Variants in HECW2 observed in about 807,000 individuals in gnomAD.
HECW2 encodes the protein HECT, C2 and WW domain containing E3 ubiquitin protein ligase 2.
Under a neutral mutation model 175.2 loss-of-function variants are expected in HECW2, and 61 were observed. The ratio of observed to expected loss-of-function variants is 0.35; its 90% confidence interval spans 0.28 to 0.43. HECW2 has a LOEUF of 0.43. HECW2 is among the 20% of genes least tolerant of loss of function. HECW2 has a pLI of 1.00. For missense variants in HECW2, 1,524 were observed against 2,000.5 expected (o/e 0.76, Z 4.54); for synonymous variants, 671 against 731.0 (o/e 0.92, Z 1.32).
intron 3 of HECW2, among the ~76,000 whole-genome samples, chr2:196,335,425 G>C (rs1692516490): frequency 6.6e-6 from 1 of 152,202 alleles, no homozygotes; most frequent in Non-Finnish European, 1.5e-5. Context: ...AAATATGCAA[G>C]GATGCTGATG....
intron 2 of HECW2, among the ~76,000 whole-genome samples, chr2:196,383,363 T>C (rs1337548298): frequency 2.0e-5 from 3 of 152,000 alleles, no homozygotes; most frequent in East Asian, 3.9e-4. Flanking sequence ...AGAATGAAGA[T>C]TGGGGATGTA....
At chr2:196,262,096 G>A (rs1689318368) in intron 17 of HECW2, among the ~76,000 whole-genome samples, 1 of 152,202 alleles carries the variant, frequency 6.6e-6, no homozygotes, top group African/African-American at 2.4e-5. Flanking sequence ...TACAATCATA[G>A]CTCACTATAG....
intron 1 of HECW2, among the ~76,000 whole-genome samples, chr2:196,576,854 A>G (rs1302588950): frequency 6.6e-6 from 1 of 152,192 alleles, no homozygotes; most frequent in African/African-American, 2.4e-5. Context: ...TACCTCAATA[A>G]AGCTGGAAAA....
At chr2:196,580,212 A>C (rs1015837694) in intron 1 of HECW2, among the ~76,000 whole-genome samples, 1 of 151,326 alleles carries the variant, frequency 6.6e-6, no homozygotes, top group African/African-American at 2.5e-5. Flanking sequence ...AAAGGGAGAA[A>C]TGGACAACAA....
intron 19 of HECW2, among the ~76,000 whole-genome samples, chr2:196,248,904 G>A (rs889448379): frequency 2.5e-4 from 38 of 152,068 alleles, no homozygotes; most frequent in Non-Finnish European, 5.1e-4. Context: ...TTCTGTTGAA[G>A]GTGACTTTCT....
At chr2:196,507,233 A>AC in intron 1 of HECW2, among the ~76,000 whole-genome samples, 1 of 152,282 alleles carries the variant, frequency 6.6e-6, no homozygotes, top group African/African-American at 2.4e-5. Context: ...TTACACACAT[A>AC]TAAATAGAAA....
intron 1 of HECW2, among the ~76,000 whole-genome samples, chr2:196,544,848 A>C (rs1483192445): frequency 1.3e-5 from 2 of 152,208 alleles, no homozygotes; most frequent in Non-Finnish European, 2.9e-5. Context: ...AGGGAACAGC[A>C]AAGGAAAAAG....
At position 196,199,761 on chromosome 2, in the gene HECW2, C is replaced by A. The variant is rs1686797514; in HGVS notation, c.*1516G>T. 2.0e-5 allele frequency: 3 copies of A among 152,140 alleles called. No homozygotes were observed. Among genetic ancestry groups the A allele is most frequent in the Non-Finnish European group, 1.5e-5 (1 of 67,952 alleles). 9.4% of individuals were successfully genotyped at this position (152,140 alleles called of 1,614,324 possible). A position where few individuals can be genotyped will look rare whatever the true frequency, so the allele number is the denominator to read the frequency against. On this transcript the variant is annotated 3_prime_UTR_variant, in exon 29 of 29. Transcript: ENST00000644978. Reference sequence around the variant, plus strand: ...CAAAGATGTGGAGTAATCCCAAAAGCAATTAAAATGAAGAATACCTTCTCA... The same window carrying A: ...CAAAGATGTGGAGTAATCCCAAAAGAAATTAAAATGAAGAATACCTTCTCA...
At chr2:196,419,623 C>G (rs549549162) in intron 2 of HECW2, among the ~76,000 whole-genome samples, 1 of 152,258 alleles carries the variant, frequency 6.6e-6, no homozygotes, top group East Asian at 1.9e-4. Flanking sequence ...TTATATCTCA[C>G]CTATTATGAG....
intron 5 of HECW2, among the ~76,000 whole-genome samples, chr2:196,325,767 T>C (rs558933311): frequency 6.6e-6 from 1 of 152,236 alleles, no homozygotes; most frequent in Non-Finnish European, 1.5e-5. Context: ...TTTTCTGAAA[T>C]GTAAGTGCTA....
intron 1 of HECW2, among the ~76,000 whole-genome samples, chr2:196,503,712 A>G (rs1015758923): frequency 6.6e-6 from 1 of 152,178 alleles, no homozygotes; most frequent in Non-Finnish European, 1.5e-5. Flanking sequence ...ACAAGAAAAA[A>G]GTGGAAAGCA....
chr2:196,435,538 A>T (rs6716824), intron 1 of HECW2, among the ~76,000 whole-genome samples: 160 of 152,352 alleles, frequency 1.1e-3, no homozygotes, highest in Non-Finnish European at 1.7e-3. Context: ...ATAGCTTAAA[A>T]TCACAACAGA....
chr2:196,522,459 C>A (rs1306110751), intron 1 of HECW2, among the ~76,000 whole-genome samples: 6 of 152,100 alleles, frequency 3.9e-5, no homozygotes, highest in Admixed American at 1.3e-4. Flanking sequence ...GTTTCTTTTG[C>A]TGTGCAGAAG....
At chr2:196,589,655 A>G (rs1030006869) in intron 1 of HECW2, among the ~76,000 whole-genome samples, 1 of 152,238 alleles carries the variant, frequency 6.6e-6, no homozygotes, top group Non-Finnish European at 1.5e-5. Context: ...AGTCTTCACA[A>G]CAACACTTGT....
At chr2:196,499,630 A>T (rs1212935072) in intron 1 of HECW2, among the ~76,000 whole-genome samples, 1 of 152,208 alleles carries the variant, frequency 6.6e-6, no homozygotes, top group African/African-American at 2.4e-5. Context: ...TCTTAAAGGC[A>T]AACTTATGGC....
intron 1 of HECW2, among the ~76,000 whole-genome samples, chr2:196,522,303 G>C (rs1423522655): frequency 6.6e-6 from 1 of 152,150 alleles, no homozygotes; most frequent in Non-Finnish European, 1.5e-5. Flanking sequence ...GTCTGTTCAT[G>C]TCCTTGCCCA....
chr2:196,246,808 A>G (rs1202766900), intron 19 of HECW2, among the ~76,000 whole-genome samples: 1 of 152,218 alleles, frequency 6.6e-6, no homozygotes, highest in African/African-American at 2.4e-5. Context: ...TTCCATCAAT[A>G]TCAATACAGA....
chr2:196,329,332 C>T (rs1463827944), intron 5 of HECW2, among the ~76,000 whole-genome samples: 1 of 152,056 alleles, frequency 6.6e-6, no homozygotes, highest in Admixed American at 6.5e-5. Flanking sequence ...CTTGAAGTAA[C>T]TATACATAGT....
chr2:196,536,485 C>T (rs1477149600), intron 1 of HECW2, among the ~76,000 whole-genome samples: 1 of 152,184 alleles, frequency 6.6e-6, no homozygotes, highest in South Asian at 2.1e-4. Flanking sequence ...CTCAGCCTCA[C>T]AAAACTCCTG....
Sources: allele counts gnomAD v4.1 joint callset (sites outside exome capture counted in the v4.1 genomes callset), GRCh38; gene constraint gnomAD v4.1.1; transcripts MANE v1.5; gene names NCBI Gene and HGNC (gene_info 2026-07-23, HGNC 2026-07-21).